The following TIGD1 variants were observed in gnomAD, a reference collection of about 807,000 sequenced individuals.
TIGD1 encodes tigger transposable element-derived protein 1.
A neutral mutation model predicts 21.3 loss-of-function variants in TIGD1; 20 were observed. The ratio of observed to expected loss-of-function variants is 0.94; its 90% CI spans 0.66 to 1.36. The LOEUF (loss-of-function observed/expected upper bound fraction) is 1.36. TIGD1 is among the 40% of genes most tolerant of loss of function. The pLI, the probability that TIGD1 is intolerant of heterozygous loss-of-function variation, is 0.00. For missense variants in TIGD1, 556 were observed against 350.5 expected, an observed-to-expected ratio of 1.59 and a Z score of -4.68; for synonymous variants, 177 against 123.2, an observed-to-expected ratio of 1.44 and a Z score of -2.89.
Position 232,545,026 on chromosome 2 carries a change from G to A in TIGD1, c.*3081C>T. On this transcript the variant is annotated 3_prime_UTR_variant, in exon 1 of 1. Coordinates refer to ENST00000408957, the MANE Select transcript of TIGD1 (RefSeq NM_145702.4). Reference sequence around the variant, plus strand: ...ATGGAAAAACATGAGGCCGGGTGCAGTGGGTCACACCTGTAATCCCAGTAC... The same window carrying A: ...ATGGAAAAACATGAGGCCGGGTGCAATGGGTCACACCTGTAATCCCAGTAC... The A allele has an allele frequency of 2.4e-6, 3 of 1,235,970 alleles. No individual in the cohort carries two copies. The highest frequency in any genetic ancestry group is 3.5e-6 in the Non-Finnish European group (3 of 862,372). The allele number at this position is 1,235,970 out of a possible 1,614,324, so 76.6% of individuals were successfully genotyped here.
Position 232,548,242 on chromosome 2 carries a change from C to A in TIGD1, c.1641G>T (p.Pro547=). ...GTGGCAATTTCCTAAAATAAGACATCGGTGAAGCTTTTCGCATGAGTTGAC... is the reference window on the plus strand; with the variant it reads ...GTGGCAATTTCCTAAAATAAGACATAGGTGAAGCTTTTCGCATGAGTTGAC... ...RKSQLMRKAS[P]MSYFRKLPQP... The change falls in exon 1 of 1, where the codon CCG becomes CCT. Residue 547 remains proline (P), a synonymous_variant. Coordinates refer to ENST00000408957, the MANE Select transcript of TIGD1 (RefSeq NM_145702.4). 6.5e-7 allele frequency: 1 copy of A among 1,543,558 alleles called. No homozygotes were observed. Among genetic ancestry groups the A allele is most frequent in the South Asian group, 1.2e-5 (1 of 83,646 alleles).
Position 232,544,302 on chromosome 2 carries a change from C to A in TIGD1, c.*3805G>T. 7.8e-7 allele frequency: 1 copy of A among 1,276,476 alleles called. No individual in the cohort carries two copies. The highest frequency in any genetic ancestry group is 1.5e-5 in the African/African-American group (1 of 68,552). 79.1% of individuals were successfully genotyped at this position (1,276,476 alleles called of 1,614,324 possible). ...GGTCCCTAGCAGCACAAGCCCTTCA[C>A]GCCAACCTCTGGCTTCTGCTCTGAA... On this transcript the variant is annotated 3_prime_UTR_variant, in exon 1 of 1. Transcript: ENST00000408957.
Position 232,545,708 on chromosome 2 carries a change from C to A in TIGD1, c.*2399G>T, listed in dbSNP as rs756116890. Reference sequence around the variant, plus strand: ...AGATCCACGCCCCTACCTGCCCTCACCAGACTGAGCCAACCAACCACTGTG... The same window carrying A: ...AGATCCACGCCCCTACCTGCCCTCAACAGACTGAGCCAACCAACCACTGTG... On this transcript the variant is annotated 3_prime_UTR_variant, in exon 1 of 1. Transcript: ENST00000408957. 7 of 1,614,148 alleles carry A rather than the reference C, an allele frequency of 4.3e-6. No individual in the cohort carries two copies. The East Asian group carries it at 1.6e-4, about 36-fold the overall frequency.
Position 232,549,781 on chromosome 2 carries a change from G to A in TIGD1, c.102C>T (p.Ala34=), listed in dbSNP as rs766087333. ...IKLSEEGMSK[A]EIGRRLGLLR... is the part of the protein sequence containing the mutation. Reference sequence around the variant, plus strand: ...GGAGGCCTAGCCTTCGGCCTATCTCGGCTTTTGACATACCTTCCTCACTCA... The same window carrying A: ...GGAGGCCTAGCCTTCGGCCTATCTCAGCTTTTGACATACCTTCCTCACTCA... Residue 34 remains alanine (A), a synonymous_variant, in exon 1 of 1, where the codon GCC becomes GCT. Transcript: ENST00000408957. The A allele has an allele frequency of 1.3e-5, 20 of 1,538,942 alleles. 1 individual carries two copies. The South Asian group carries it at 1.3e-4, about 10-fold the overall frequency.
Position 232,546,433 on chromosome 2 carries a change from A to G in TIGD1, c.*1674T>C. 6.5e-6 allele frequency: 1 copy of G among 152,788 alleles called. No individual in the cohort carries two copies. Among genetic ancestry groups the G allele is most frequent in the Non-Finnish European group, 1.5e-5 (1 of 68,956 alleles). The allele number at this position is 152,788 out of a possible 1,614,324, so 9.5% of individuals were successfully genotyped here. A position where few individuals can be genotyped will look rare whatever the true frequency, so the allele number is the denominator to read the frequency against. The stretch of plus-strand genomic sequence containing the variant: ...CATGATCATGGCTCACTGCAGCCTC[A>G]ACCTCCAGGGCTCAAGCAATGCTCC... On this transcript the variant is annotated 3_prime_UTR_variant, in exon 1 of 1. Coordinates refer to ENST00000408957, the MANE Select transcript of TIGD1 (RefSeq NM_145702.4).
In TIGD1 at chr2:232,545,048, G is replaced by A. The variant is rs536372507; in HGVS notation, c.*3059C>T. 1.9e-6 allele frequency: 2 copies of A among 1,058,696 alleles called. No homozygotes were observed. The highest frequency in any genetic ancestry group is 3.1e-5 in the African/African-American group (2 of 63,590). 65.6% of individuals were successfully genotyped at this position (1,058,696 alleles called of 1,614,324 possible). On this transcript the variant is annotated 3_prime_UTR_variant, in exon 1 of 1. Coordinates refer to ENST00000408957, the MANE Select transcript of TIGD1 (RefSeq NM_145702.4). ...GCAGTGGGTCACACCTGTAATCCCA[G>A]TACTTTGGGAGGCCGAGGCGAGTGG...
At position 232,544,151 on chromosome 2, in the gene TIGD1, G is replaced by A. The variant is rs2106222637; in HGVS notation, c.*3956C>T. Reference sequence around the variant, plus strand: ...CAGAATAGCATGAGGGCTGGGGGCAGGAATCTGTGTTTATAACAAGTGCCC... The same window carrying A: ...CAGAATAGCATGAGGGCTGGGGGCAAGAATCTGTGTTTATAACAAGTGCCC... On this transcript the variant is annotated 3_prime_UTR_variant, in exon 1 of 1. Transcript: ENST00000408957. Among the ~76,000 whole-genome samples, 1 of 152,328 alleles carries A rather than the reference G, an allele frequency of 6.6e-6. No homozygotes were observed. The highest frequency in any genetic ancestry group is 1.5e-5 in the Non-Finnish European group (1 of 68,026).
chr2:232,549,719 T>G lies in TIGD1; in HGVS notation c.164A>C (p.Glu55Ala). The G allele has an allele frequency of 1.0e-6, 1 of 959,538 alleles. No homozygotes were observed. The highest frequency in any genetic ancestry group is 1.6e-6 in the Non-Finnish European group (1 of 606,736). The allele number at this position is 959,538 out of a possible 1,614,324, so 59.4% of individuals were successfully genotyped here. A position where few individuals can be genotyped will look rare whatever the true frequency, so the allele number is the denominator to read the frequency against. Reference sequence around the variant, plus strand: ...ACTTTTAACTTCCTTCAAGAACTTTTCCTTTGCATTTACAACTTGGCTAAC... The same window carrying G: ...ACTTTTAACTTCCTTCAAGAACTTTGCCTTTGCATTTACAACTTGGCTAAC... ...QTVSQVVNAKEKFLKEVKSAT... is the reference protein window; with the variant it reads ...QTVSQVVNAKAKFLKEVKSAT... The change falls in exon 1 of 1, where the codon GAA becomes GCA. Residue 55 changes from glutamate to alanine, a missense_variant. Coordinates refer to ENST00000408957, the MANE Select transcript of TIGD1 (RefSeq NM_145702.4).
Position 232,549,161 on chromosome 2 carries a change from G to C in TIGD1, c.722C>G (p.Ser241Cys), listed in dbSNP as rs1458938742. ...FKLKPMLIYH[S>C]ENPRALKNYT... is the part of the protein sequence containing the mutation. ...ATTCTTAAGGGCCCTAGGATTTTCA[G>C]AATGGTAAATAAGCATTGGCTTCAA... The change falls in exon 1 of 1, where the codon TCT (serine) becomes TGT (cysteine). Residue 241 changes from serine (S) to cysteine (C), a missense_variant. Coordinates refer to ENST00000408957, the MANE Select transcript of TIGD1 (RefSeq NM_145702.4). 1 of 714,238 alleles carries C rather than the reference G, an allele frequency of 1.4e-6. No individual in the cohort carries two copies. The highest frequency in any genetic ancestry group is 2.6e-6 in the Non-Finnish European group (1 of 384,522). The allele number at this position is 714,238 out of a possible 1,614,324, so 44.2% of individuals were successfully genotyped here.
Position 232,550,525 on chromosome 2 carries a change from C to A in TIGD1, c.-643G>T. On this transcript the variant is annotated 5_prime_UTR_variant, in exon 1 of 1. Coordinates refer to ENST00000408957, the MANE Select transcript of TIGD1 (RefSeq NM_145702.4). ...TGGACAGAGGCAGAACTGAGGCCAG[C>A]AGCCAGCTCCGCCGCTGAGTCCAGC... 1 of 648,024 alleles carries A rather than the reference C, an allele frequency of 1.5e-6. No homozygotes were observed. Among genetic ancestry groups the A allele is most frequent in the Non-Finnish European group, 2.7e-6 (1 of 374,178 alleles). The allele number at this position is 648,024 out of a possible 1,614,324, so 40.1% of individuals were successfully genotyped here. A position where few individuals can be genotyped will look rare whatever the true frequency, so the allele number is the denominator to read the frequency against.
chr2:232,549,942 C>A lies in TIGD1; in HGVS notation c.-60G>T, dbSNP rs934390215. On this transcript the variant is annotated 5_prime_UTR_variant, in exon 1 of 1. Transcript: ENST00000408957. The stretch of plus-strand genomic sequence containing the variant: ...TTGTGTCTCAGGGAATAGGGAGGCC[C>A]AAGAAGAGGGAGAGAGATGGGGAAC... The A allele has an allele frequency of 7.3e-6, 7 of 957,694 alleles. No homozygotes were observed. The highest frequency in any genetic ancestry group is 1.1e-5 in the Non-Finnish European group (7 of 651,232). 59.3% of individuals were successfully genotyped at this position (957,694 alleles called of 1,614,324 possible).
Position 232,550,478 on chromosome 2 carries a change from G to A in TIGD1, c.-596C>T, listed in dbSNP as rs945493878. 2 of 552,808 alleles carry A rather than the reference G, an allele frequency of 3.6e-6. No homozygotes were observed. Among genetic ancestry groups the A allele is most frequent in the African/African-American group, 2.0e-5 (1 of 49,376 alleles). 34.2% of individuals were successfully genotyped at this position (552,808 alleles called of 1,614,324 possible). A position where few individuals can be genotyped will look rare whatever the true frequency, so the allele number is the denominator to read the frequency against. On this transcript the variant is annotated 5_prime_UTR_variant, in exon 1 of 1. Transcript: ENST00000408957. ...GGGGCCAGGACACGCTCCCTTAGGA[G>A]AGCGGGCGGGTCACAAGGACCTGGA... is the stretch of plus-strand genomic sequence containing the variant.
rs1160528135 is a variant in TIGD1 at position 232,548,799 on chromosome 2, C to T, written c.1084G>A (p.Val362Ile). ...HKALAAMDSD[V>I]SDGSGQSKLK... The stretch of plus-strand genomic sequence containing the variant: ...TTGCTTTGCCCAGATCCATCAGAGA[C>T]ATCACTATCCATGGCAGCTAGAGCC... Residue 362 changes from valine to isoleucine, a missense_variant, in exon 1 of 1, where the codon GTC becomes ATC. Coordinates refer to ENST00000408957, the MANE Select transcript of TIGD1 (RefSeq NM_145702.4). 1.1e-5 allele frequency: 6 copies of T among 557,414 alleles called. No homozygotes were observed. The highest frequency in any genetic ancestry group is 2.0e-5 in the Non-Finnish European group (6 of 295,956). The allele number at this position is 557,414 out of a possible 1,614,324, so 34.5% of individuals were successfully genotyped here.
rs1394451041 is a variant in TIGD1 at position 232,545,365 on chromosome 2, G to C, written c.*2742C>G. Reference sequence around the variant, plus strand: ...AAGAAAGAAAAAGGAACAGGGGCAGGGGGGGCACCTCAGGGCCAGGGGGCC... The same window carrying C: ...AAGAAAGAAAAAGGAACAGGGGCAGCGGGGGCACCTCAGGGCCAGGGGGCC... On this transcript the variant is annotated 3_prime_UTR_variant, in exon 1 of 1. Coordinates refer to ENST00000408957, the MANE Select transcript of TIGD1 (RefSeq NM_145702.4). 1.3e-5 allele frequency among the ~76,000 whole-genome samples: 2 copies of C among 151,986 alleles called. No homozygotes were observed. Among genetic ancestry groups the C allele is most frequent in the Admixed American group, 6.5e-5 (1 of 15,272 alleles).
At position 232,546,125 on chromosome 2, in the gene TIGD1, G is replaced by A; in HGVS notation, c.*1982C>T. ...CCCTGAAAGAGGGCAGTCACAAGAG[G>A]TGTGAAGAGTAGCAGCCGATGCTCT... On this transcript the variant is annotated 3_prime_UTR_variant, in exon 1 of 1. Coordinates refer to ENST00000408957, the MANE Select transcript of TIGD1 (RefSeq NM_145702.4). 6.0e-6 allele frequency: 2 copies of A among 333,306 alleles called. No individual in the cohort carries two copies. Among genetic ancestry groups the A allele is most frequent in the South Asian group, 5.0e-5 (2 of 39,774 alleles). The allele number at this position is 333,306 out of a possible 1,614,324, so 20.6% of individuals were successfully genotyped here.
chr2:232,546,355 G>C lies in TIGD1; in HGVS notation c.*1752C>G, dbSNP rs973758374. ...GTTTTTGATGTGTTGTTGTTGTTTT[G>C]TTTAGTTTTGAGATAGAGCCTCACT... On this transcript the variant is annotated 3_prime_UTR_variant, in exon 1 of 1. Transcript: ENST00000408957. 1.0e-5 allele frequency: 1 copy of C among 98,974 alleles called. No individual in the cohort carries two copies. The highest frequency in any genetic ancestry group is 4.4e-5 in the African/African-American group (1 of 22,814). The allele number at this position is 98,974 out of a possible 1,614,324, so 6.1% of individuals were successfully genotyped here.
rs1179782046 is a variant in TIGD1, at chr2:232,545,332, AG to A, written c.*2774del. ...AGACTCCGTCTCAAAAAAAAAAAAA[AG>A]GAAAGAAAGAAAGAAAAAGGAACAG... On this transcript the variant is annotated 3_prime_UTR_variant, in exon 1 of 1. Coordinates refer to ENST00000408957, the MANE Select transcript of TIGD1 (RefSeq NM_145702.4). Among the ~76,000 whole-genome samples the A allele has an allele frequency of 5.7e-3, 833 of 147,232 alleles. 9 individuals carry two copies. Among genetic ancestry groups the A allele is most frequent in the African/African-American group, 0.018 (718 of 40,982 alleles).
At position 232,544,332 on chromosome 2, in the gene TIGD1, G is replaced by A. The variant is rs116160052; in HGVS notation, c.*3775C>T. 2.7e-3 allele frequency: 4,151 copies of A among 1,531,364 alleles called. 10 individuals are homozygous for A. Among genetic ancestry groups the A allele is most frequent in the Non-Finnish European group, 3.6e-3 (3,992 of 1,106,864 alleles). The allele number at this position is 1,531,364 out of a possible 1,614,324, so 94.9% of individuals were successfully genotyped here. The stretch of plus-strand genomic sequence containing the variant: ...ACCTCTGGCTTCTGCTCTGAAGCTC[G>A]GCCTGCTGCCCTAGTGAAGCCACCC... On this transcript the variant is annotated 3_prime_UTR_variant, in exon 1 of 1. Transcript: ENST00000408957.
In TIGD1 at chr2:232,546,851, A is replaced by G. The variant is rs1692142619; in HGVS notation, c.*1256T>C. Among the ~76,000 whole-genome samples, 1 of 152,154 alleles carries G rather than the reference A, an allele frequency of 6.6e-6. No homozygotes were observed. ...AGGCCCTTCTTCCCAAAGGATGGTT[A>G]AGACAAGGAAGAGCTAGGCAAGAGG... On this transcript the variant is annotated 3_prime_UTR_variant, in exon 1 of 1. Transcript: ENST00000408957.
Sources: allele counts gnomAD v4.1 joint callset (sites outside exome capture counted in the v4.1 genomes callset), GRCh38; gene constraint gnomAD v4.1.1; transcripts MANE v1.5; gene names NCBI Gene and HGNC (gene_info 2026-07-23, HGNC 2026-07-21).